The following ABLIM1 variants were observed in gnomAD, a reference collection of about 807,000 sequenced individuals.
The protein encoded by ABLIM1 is actin binding LIM protein 1, also known as actin-binding LIM protein 1.
ABLIM1 carries 40 observed loss-of-function variants against 107.0 expected under a neutral mutation model. The observed-to-expected ratio is 0.37, with a 90% CI of 0.29 to 0.49. ABLIM1 has a LOEUF of 0.49. Ranked by LOEUF, ABLIM1 falls within the 20% of genes least tolerant of loss-of-function variation. The pLI is 0.97. For synonymous variants in ABLIM1, 357 were observed against 357.3 expected, an observed-to-expected ratio of 1.00 and a Z score of 0.01; for missense variants, 857 against 1,008.5, an observed-to-expected ratio of 0.85 and a Z score of 2.04.
chr10:114,639,590 G>A (rs375073229), intron 1 of ABLIM1, among the ~76,000 whole-genome samples: 2 of 152,190 alleles, frequency 1.3e-5, no homozygotes, highest in African/African-American at 2.4e-5. Flanking sequence ...GGTATGAGAC[G>A]TTCCACTTGT....
intron 2 of ABLIM1, among the ~76,000 whole-genome samples, chr10:114,581,683 C>G (rs1200998707): frequency 6.6e-6 from 1 of 152,056 alleles, no homozygotes; most frequent in Non-Finnish European, 1.5e-5. Flanking sequence ...GTCCTTTCTT[C>G]TCTTTTCTAG....
At chr10:114,640,441 C>T (rs538737235) in intron 1 of ABLIM1, among the ~76,000 whole-genome samples, 3 of 152,212 alleles carry the variant, frequency 2.0e-5, no homozygotes, top group Admixed American at 6.5e-5. Flanking sequence ...GCAGGAGAAT[C>T]GCTTGAACCC....
intron 1 of ABLIM1, among the ~76,000 whole-genome samples, chr10:114,726,792 C>A (rs562822465): frequency 2.6e-5 from 4 of 151,992 alleles, no homozygotes; most frequent in African/African-American, 4.8e-5. Context: ...AAAAAACACA[C>A]AAAAAAAGAA....
intron 1 of ABLIM1, among the ~76,000 whole-genome samples, chr10:114,766,294 T>A (rs2082891622): frequency 6.6e-6 from 1 of 152,180 alleles, no homozygotes; most frequent in African/African-American, 2.4e-5. Flanking sequence ...CTCTACAAGA[T>A]TAGTCAGACT....
At chr10:114,557,680 T>TTG (rs1565926861) in intron 4 of ABLIM1, among the ~76,000 whole-genome samples, 4 of 149,182 alleles carry the variant, frequency 2.7e-5, no homozygotes, top group African/African-American at 9.9e-5. Context: ...TGTTTTTTTT[T>TTG]TTTTTTTTTT....
chr10:114,711,147 A>T (rs912246433), intron 1 of ABLIM1, among the ~76,000 whole-genome samples: 1 of 152,268 alleles, frequency 6.6e-6, no homozygotes, highest in African/African-American at 2.4e-5. Flanking sequence ...GAACAAAAGT[A>T]GCAAAAGTCA....
upstream of ABLIM1, among the ~76,000 whole-genome samples, chr10:114,769,234 C>CCAGCTA (rs1468070043): frequency 1.4e-5 from 2 of 145,230 alleles, no homozygotes; most frequent in Non-Finnish European, 3.0e-5. Flanking sequence ...GCTTGTAATC[C>CCAGCTA]CAGCTACTCG....
intron 4 of ABLIM1, among the ~76,000 whole-genome samples, chr10:114,562,414 A>G (rs951623078): frequency 6.6e-6 from 1 of 152,154 alleles, no homozygotes; most frequent in African/African-American, 2.4e-5. Context: ...CTGTAGTCCC[A>G]GCTACTCGGG....
chr10:114,615,955 C>T (rs2077105152), intron 1 of ABLIM1, among the ~76,000 whole-genome samples: 1 of 152,172 alleles, frequency 6.6e-6, no homozygotes, highest in Admixed American at 6.5e-5. Context: ...TGGGTGGCCC[C>T]AGAGCCTTGG....
chr10:114,438,941 A>G (rs1032308590), intron 21 of ABLIM1, among the ~76,000 whole-genome samples: 3 of 152,252 alleles, frequency 2.0e-5, no homozygotes, highest in African/African-American at 7.2e-5. Flanking sequence ...TACCTTGGTC[A>G]TAGGCAGAGA....
intron 6 of ABLIM1, among the ~76,000 whole-genome samples, chr10:114,513,462 C>T (rs1362288489): frequency 6.6e-6 from 1 of 152,120 alleles, no homozygotes; most frequent in African/African-American, 2.4e-5. Context: ...AGAAACCCCA[C>T]TGGCAAGCAA....
chr10:114,694,793 G>A (rs2081161009), intron 1 of ABLIM1, among the ~76,000 whole-genome samples: 1 of 152,232 alleles, frequency 6.6e-6, no homozygotes. Flanking sequence ...GAAGCTTAAT[G>A]TAAGTTGATA....
chr10:114,622,999 A>G (rs1197981527), intron 1 of ABLIM1, among the ~76,000 whole-genome samples: 4 of 152,056 alleles, frequency 2.6e-5, no homozygotes, highest in African/African-American at 9.7e-5. Context: ...GTCTGGCTCT[A>G]TTGCTCAGGC....
At chr10:114,575,196 T>C (rs1263058501) in intron 3 of ABLIM1, among the ~76,000 whole-genome samples, 5 of 152,226 alleles carry the variant, frequency 3.3e-5, no homozygotes, top group Non-Finnish European at 5.9e-5. Flanking sequence ...AGTTTCAATC[T>C]ACTAAAAATC....
At chr10:114,759,383 T>C (rs1004953618) in intron 1 of ABLIM1, among the ~76,000 whole-genome samples, 1 of 152,086 alleles carries the variant, frequency 6.6e-6, no homozygotes, top group Non-Finnish European at 1.5e-5. Flanking sequence ...CCGGAAAAAA[T>C]AGAGCCTTTC....
intron 1 of ABLIM1, among the ~76,000 whole-genome samples, chr10:114,605,275 T>C (rs2076328790): frequency 6.6e-6 from 1 of 152,216 alleles, no homozygotes; most frequent in Non-Finnish European, 1.5e-5. Context: ...TCTTTGACAG[T>C]CTGGTTGTTA....
rs967562311 is a variant in ABLIM1 at position 114,445,492 on chromosome 10, C to T, written c.1736-89G>A. The T allele has an allele frequency of 6.9e-6, 8 of 1,155,826 alleles. No homozygotes were observed. The Admixed American group carries it at 7.0e-5, about 10-fold the overall frequency. 71.6% of individuals were successfully genotyped at this position (1,155,826 alleles called of 1,614,324 possible). On this transcript the variant is annotated intron_variant, in intron 15 of 22. Coordinates refer to ENST00000533213, the MANE Select transcript of ABLIM1 (RefSeq NM_002313.7). The stretch of plus-strand genomic sequence containing the variant: ...GTCCATCTGTGTTCAGTTTGTTAGG[C>T]TGGCAAGGTCAGCAACGGTCTTTAA...
chr10:114,477,070 C>A (rs2056562849), intron 8 of ABLIM1, among the ~76,000 whole-genome samples: 1 of 152,092 alleles, frequency 6.6e-6, no homozygotes, highest in East Asian at 1.9e-4. Flanking sequence ...CCAAGCCACA[C>A]AGGTAGGAAA....
At chr10:114,652,686 C>G (rs1204917221) in intron 1 of ABLIM1, among the ~76,000 whole-genome samples, 6 of 152,216 alleles carry the variant, frequency 3.9e-5, no homozygotes, top group African/African-American at 1.4e-4. Context: ...TGAATCCTCT[C>G]CAGATATCCT....
Sources: gnomAD v4.1 joint callset for allele counts (sites outside exome capture counted in the v4.1 genomes callset) on GRCh38, gnomAD v4.1.1 for gene constraint, MANE v1.5 for transcripts, NCBI Gene and HGNC (gene_info 2026-07-23, HGNC 2026-07-21) for gene names.